Variants in PTK2 observed in about 807,000 individuals in gnomAD.
The protein encoded by PTK2 is protein tyrosine kinase 2, also known as focal adhesion kinase 1.
PTK2 carries 45 observed loss-of-function variants against 150.1 expected under a neutral mutation model. That is an observed-to-expected ratio of 0.30 (90% confidence interval 0.24 to 0.38). The LOEUF is 0.38. Among genes scored for constraint, PTK2 ranks in the 10% least tolerant of loss-of-function variants. The pLI is 1.00. For synonymous variants in PTK2, 432 were observed against 449.2 expected, an observed-to-expected ratio of 0.96 and a Z score of 0.48; for missense variants, 919 against 1,307.3, an observed-to-expected ratio of 0.70 and a Z score of 4.58.
At chr8:140,672,051 G>A (rs577760364) in intron 29 of PTK2, 1 of 398,524 alleles carries the variant, frequency 2.5e-6, no homozygotes, top group Admixed American at 3.1e-5. Context: ...TATTCCAGCT[G>A]TGAAAGATGT....
chr8:140,700,298 T>C (rs939227438), intron 26 of PTK2, among the ~76,000 whole-genome samples: 2 of 152,056 alleles, frequency 1.3e-5, no homozygotes, highest in African/African-American at 2.4e-5. Context: ...CTCTCAAATA[T>C]TTGGGACTAC....
At chr8:140,879,317 C>A in intron 4 of PTK2, 154 bp downstream of exon 4, 1 of 728,578 alleles carries the variant, frequency 1.4e-6, no homozygotes, top group South Asian at 2.6e-5. Context: ...TAGAAGAGAT[C>A]ATTCGTTAAT....
intron 1 of PTK2, among the ~76,000 whole-genome samples, chr8:141,000,327 A>C (rs2154610509): frequency 6.6e-6 from 1 of 152,268 alleles, no homozygotes; most frequent in Admixed American, 6.5e-5. Flanking sequence ...GGGCTCTACC[A>C]AACTTGAGGG....
rs2100094459 is a variant in PTK2, at chr8:140,800,579, A to G, written c.976-3T>C. 6.2e-7 allele frequency: 1 copy of G among 1,607,894 alleles called. No individual in the cohort carries two copies. Among genetic ancestry groups the G allele is most frequent in the Non-Finnish European group, 8.5e-7 (1 of 1,174,580 alleles). ...GATGGTGCCGTCACTGTCAGAGGCTAACGGAGAAAAGATCAAGAAAACAGA... is the reference window on the plus strand; with the variant it reads ...GATGGTGCCGTCACTGTCAGAGGCTGACGGAGAAAAGATCAAGAAAACAGA... On this transcript the variant is annotated splice_region_variant and splice_polypyrimidine_tract_variant and intron_variant, in intron 11 of 31. Transcript: ENST00000522684.
chr8:140,674,819 G>A (rs892093773), intron 28 of PTK2, among the ~76,000 whole-genome samples: 1 of 151,774 alleles, frequency 6.6e-6, no homozygotes, highest in African/African-American at 2.4e-5. Context: ...AGGCTGAGGC[G>A]GGCGGATGCC....
intron 16 of PTK2, among the ~76,000 whole-genome samples, chr8:140,759,520 G>A (rs1463720052): frequency 3.1e-5 from 3 of 96,418 alleles, no homozygotes; most frequent in Non-Finnish European, 5.5e-5. Context: ...GACAGAGTAA[G>A]ACCCTGTCCT....
chr8:140,832,944 G>T, intron 7 of PTK2: 1 of 518,952 alleles, frequency 1.9e-6, no homozygotes, highest in South Asian at 1.4e-5. Context: ...TATCCTCTCC[G>T]CCACTGTGTG....
Position 140,739,053 on chromosome 8 carries a change from C to T in PTK2, c.1790G>A (p.Arg597Gln), listed in dbSNP as rs1433340978. The T allele has an allele frequency of 3.2e-6, 5 of 1,576,810 alleles. No individual in the cohort carries two copies. In the Admixed American group the frequency reaches 5.2e-5, roughly 16 times the overall value. The change falls in exon 21 of 32, where the codon CGA becomes CAA. Residue 597 changes from arginine (R) to glutamine (Q), a missense_variant. By Grantham distance (43) the Arg-to-Gln change is conservative. Coordinates refer to ENST00000522684, the Ensembl canonical transcript of PTK2. Reference sequence around the variant, plus strand: ...TACGTCACTAGCTGAGGTAAAACGTCGAAAATTGATTGACTCTGGAGCCAT... The same window carrying T: ...TACGTCACTAGCTGAGGTAAAACGTTGAAAATTGATTGACTCTGGAGCCAT...
intron 22 of PTK2, among the ~76,000 whole-genome samples, chr8:140,720,209 A>C (rs2154289680): frequency 6.6e-6 from 1 of 152,274 alleles, no homozygotes; most frequent in East Asian, 1.9e-4. Context: ...TGTGAAAATA[A>C]ATACCTTTAT....
chr8:140,975,836 C>G (rs963963835), intron 1 of PTK2, among the ~76,000 whole-genome samples: 6 of 152,196 alleles, frequency 3.9e-5, no homozygotes, highest in Non-Finnish European at 7.3e-5. Flanking sequence ...CTCACTCCCC[C>G]TCAAGTCTAT....
chr8:140,962,340 C>A (rs1339949814), intron 1 of PTK2, among the ~76,000 whole-genome samples: 1 of 151,872 alleles, frequency 6.6e-6, no homozygotes, highest in Admixed American at 6.6e-5. Context: ...CTCATTTCAA[C>A]AAATTCTTGC....
At chr8:140,750,046 C>G (rs1423807354) in intron 17 of PTK2, among the ~76,000 whole-genome samples, 1 of 152,146 alleles carries the variant, frequency 6.6e-6, no homozygotes, top group Non-Finnish European at 1.5e-5. Flanking sequence ...GTGATGATGA[C>G]TGATGTGGTC....
intron 14 of PTK2, among the ~76,000 whole-genome samples, chr8:140,766,247 G>C (rs990163568): frequency 6.6e-5 from 10 of 152,168 alleles, no homozygotes; most frequent in Admixed American, 1.3e-4. Context: ...TTAAAAGCCT[G>C]TTCAGAAGCC....
intron 4 of PTK2, among the ~76,000 whole-genome samples, chr8:140,868,232 TTAGC>T (rs1208983193): frequency 6.6e-6 from 1 of 152,158 alleles, no homozygotes; most frequent in South Asian, 2.1e-4. Context: ...CTGAGAAGGG[TTAGC>T]TAGCTAGTCC....
chr8:140,737,147 A>T (rs1013597730), intron 21 of PTK2, among the ~76,000 whole-genome samples: 1 of 152,154 alleles, frequency 6.6e-6, no homozygotes. Context: ...AAATATATAT[A>T]TTTTTGAGAC....
At chr8:140,854,997 T>C (rs2154605054) in intron 5 of PTK2, among the ~76,000 whole-genome samples, 1 of 152,304 alleles carries the variant, frequency 6.6e-6, no homozygotes, top group Middle Eastern at 3.4e-3. Flanking sequence ...ATAAAATATA[T>C]GTATTTTTAG....
chr8:140,722,745 C>T (rs1464282288), intron 22 of PTK2, among the ~76,000 whole-genome samples: 3 of 152,070 alleles, frequency 2.0e-5, no homozygotes, highest in African/African-American at 7.2e-5. Flanking sequence ...AAACACCACA[C>T]CCTCAGTCAG....
At chr8:140,776,641 G>A (rs1257400489) in intron 14 of PTK2, among the ~76,000 whole-genome samples, 1 of 152,196 alleles carries the variant, frequency 6.6e-6, no homozygotes, top group Admixed American at 6.5e-5. Context: ...AGTGGAGAAG[G>A]GGAGAGAAGC....
At chr8:140,665,318 C>G (rs2089632146) in intron 30 of PTK2, among the ~76,000 whole-genome samples, 1 of 152,092 alleles carries the variant, frequency 6.6e-6, no homozygotes, top group Non-Finnish European at 1.5e-5. Flanking sequence ...TTATACCACC[C>G]TCCTGGCTCC....
Sources: gnomAD v4.1 joint callset for allele counts (sites outside exome capture counted in the v4.1 genomes callset) on GRCh38, gnomAD v4.1.1 for gene constraint, MANE v1.5 for transcripts, NCBI Gene and HGNC (gene_info 2026-07-23, HGNC 2026-07-21) for gene names.